The following TRERF1 variants were observed in gnomAD, a reference collection of about 807,000 sequenced individuals.
TRERF1 encodes transcriptional-regulating factor 1.
In TRERF1, 27 loss-of-function variants were observed where a neutral mutation model predicts 122.9. The observed-to-expected ratio is 0.22, with a 90% confidence interval of 0.16 to 0.30. TRERF1 has a LOEUF of 0.30. Ranked by LOEUF, TRERF1 falls within the 10% of genes least tolerant of loss-of-function variation. The pLI is 1.00. For missense variants in TRERF1, 1,248 were observed against 1,560.3 expected, an observed-to-expected ratio of 0.80 and a Z score of 3.37; for synonymous variants, 636 against 641.7, an observed-to-expected ratio of 0.99 and a Z score of 0.13.
Position 42,275,781 on chromosome 6 carries a change from C to T in TRERF1, c.-258-5933G>A, listed in dbSNP as rs976148693. Among the ~76,000 whole-genome samples, 2 of 152,196 alleles carry T rather than the reference C, an allele frequency of 1.3e-5. No individual in the cohort carries two copies. Among genetic ancestry groups the T allele is most frequent in the African/African-American group, 2.4e-5 (1 of 41,440 alleles). Reference sequence around the variant, plus strand: ...AGATAATAACAAGGCTCTACAGAGACCTCCCAGCACACTTTTTCTATACAG... The same window carrying T: ...AGATAATAACAAGGCTCTACAGAGATCTCCCAGCACACTTTTTCTATACAG... On this transcript the variant is annotated intron_variant, in intron 4 of 17. Transcript: ENST00000372922. The surrounding 1 kb of genome is among the most constrained non-coding windows in gnomAD (Gnocchi z 4.1).
intron 2 of TRERF1, among the ~76,000 whole-genome samples, chr6:42,438,348 G>A (rs1385684082): frequency 2.7e-5 from 4 of 150,470 alleles, no homozygotes; most frequent in Admixed American, 6.6e-5. Context: ...GGTGGCTCAC[G>A]CCTGTAATCC....
At chr6:42,358,064 GT>G (rs1770935532) in intron 3 of TRERF1, among the ~76,000 whole-genome samples, 1 of 151,476 alleles carries the variant, frequency 6.6e-6, no homozygotes, top group Non-Finnish European at 1.5e-5. Flanking sequence ...ATCAAACCAA[GT>G]TTTCTGCATA....
intron 2 of TRERF1, among the ~76,000 whole-genome samples, chr6:42,419,258 A>ACCCCC (rs1782397601): frequency 4.7e-5 from 2 of 42,416 alleles, no homozygotes; most frequent in African/African-American, 8.8e-5. Flanking sequence ...GCCCCACCCC[A>ACCCCC]CCCCCCGCCC....
At chr6:42,284,753 C>T (rs913539955) in intron 4 of TRERF1, among the ~76,000 whole-genome samples, 2 of 152,122 alleles carry the variant, frequency 1.3e-5, no homozygotes, top group African/African-American at 2.4e-5. Flanking sequence ...GTTCCACCTG[C>T]GTGTGAGTGT....
At position 42,256,716 on chromosome 6, in the gene TRERF1, A is replaced by G. The variant is rs1243799384; in HGVS notation, c.2580+12T>C. On this transcript the variant is annotated intron_variant, in intron 12 of 17. Transcript: ENST00000372922. Reference sequence around the variant, plus strand: ...CAGGAATTTGTAAAGCCTCTTTTTCATGGTTCCTTACCATCACATCACCTT... The same window carrying G: ...CAGGAATTTGTAAAGCCTCTTTTTCGTGGTTCCTTACCATCACATCACCTT... 4 of 1,610,896 alleles carry G rather than the reference A, an allele frequency of 2.5e-6. No individual in the cohort carries two copies. Among genetic ancestry groups the G allele is most frequent in the African/African-American group, 1.3e-5 (1 of 74,984 alleles).
intron 3 of TRERF1, among the ~76,000 whole-genome samples, chr6:42,333,835 C>T (rs899692905): frequency 7.2e-5 from 11 of 152,120 alleles, no homozygotes; most frequent in African/African-American, 2.7e-4. Flanking sequence ...ACACTGAGGC[C>T]CAGGGCAGTG....
At chr6:42,238,197 A>G (rs1294640017) in intron 15 of TRERF1, among the ~76,000 whole-genome samples, 1 of 152,254 alleles carries the variant, frequency 6.6e-6, no homozygotes, top group African/African-American at 2.4e-5. Flanking sequence ...CATGGCCTAC[A>G]GTTTGGCATT....
chr6:42,451,609 C>T (rs1384093539), intron 1 of TRERF1, among the ~76,000 whole-genome samples, 65 bp downstream of exon 1: 7 of 151,184 alleles, frequency 4.6e-5, no homozygotes, highest in Admixed American at 4.0e-4. Context: ...CCCCCTCCCC[C>T]CTTCTATATA....
intron 3 of TRERF1, among the ~76,000 whole-genome samples, chr6:42,335,537 T>C (rs1765989578): frequency 6.6e-6 from 1 of 152,230 alleles, no homozygotes; most frequent in Admixed American, 6.5e-5. Flanking sequence ...GTGTCTGTGC[T>C]TGGCAGGGTT....
chr6:42,236,516 C>T lies in TRERF1; in HGVS notation c.2860-105G>A, dbSNP rs35939485. 7.5e-3 allele frequency: 10,749 copies of T among 1,441,348 alleles called. 57 individuals carry two copies. Among genetic ancestry groups the T allele is most frequent in the Non-Finnish European group, 9.2e-3 (10,089 of 1,091,676 alleles). The allele number at this position is 1,441,348 out of a possible 1,614,324, so 89.3% of individuals were successfully genotyped here. On this transcript the variant is annotated intron_variant, in intron 15 of 17. Coordinates refer to ENST00000372922, the Ensembl canonical transcript of TRERF1. ...AGAGGAGAGAGGGGCAGGATGCTGG[C>T]GCTGTGTTCCTTTCTTTCTGCATAA...
intron 16 of TRERF1, among the ~76,000 whole-genome samples, chr6:42,235,143 A>T (rs751574676): frequency 1.1e-4 from 17 of 151,530 alleles, no homozygotes; most frequent in Non-Finnish European, 2.2e-4. Flanking sequence ...CTGCTTTAGG[A>T]TCTAAATATT....
At chr6:42,272,207 A>C (rs1049020790) in intron 4 of TRERF1, among the ~76,000 whole-genome samples, 2 of 152,240 alleles carry the variant, frequency 1.3e-5, no homozygotes, top group Non-Finnish European at 2.9e-5. Flanking sequence ...TTAAACAGAA[A>C]AGTTTGAAGA....
At chr6:42,360,781 A>C (rs1771588339) in intron 3 of TRERF1, among the ~76,000 whole-genome samples, 1 of 136,976 alleles carries the variant, frequency 7.3e-6, no homozygotes, top group South Asian at 2.2e-4. Context: ...TAAAAAAAAA[A>C]AAAAAAAAAA....
chr6:42,430,299 T>C (rs1304303655), intron 2 of TRERF1, among the ~76,000 whole-genome samples: 1 of 152,110 alleles, frequency 6.6e-6, no homozygotes, highest in African/African-American at 2.4e-5. Context: ...AGACTTCTGG[T>C]GATGAGTTAT....
intron 2 of TRERF1, among the ~76,000 whole-genome samples, chr6:42,392,549 G>T (rs1777919136): frequency 6.6e-6 from 1 of 152,150 alleles, no homozygotes; most frequent in South Asian, 2.1e-4. Context: ...TTCTGTGTGT[G>T]TAAGACCTAT....
rs200659236 is a variant in TRERF1 at position 42,264,708 on chromosome 6, T to C, written c.1631A>G (p.Lys544Arg). The stretch of plus-strand genomic sequence containing the variant: ...CGGGAACTGGCTCCTGCTAACCTGT[T>C]TGAGGTTGGGGGAGGCCCTCATTCC... The change falls in exon 7 of 18, where the codon AAA (lysine) becomes AGA (arginine). Residue 544 changes from lysine (K) to arginine (R), a missense_variant. Lys to Arg is a conservative substitution (Grantham distance 26). Transcript: ENST00000372922. 9.3e-6 allele frequency: 15 copies of C among 1,614,044 alleles called. No individual in the cohort carries two copies. The Admixed American group carries it at 1.8e-4, about 20-fold the overall frequency.
intron 3 of TRERF1, among the ~76,000 whole-genome samples, chr6:42,354,663 T>C (rs548774852): frequency 6.6e-6 from 1 of 152,330 alleles, no homozygotes; most frequent in East Asian, 1.9e-4. Flanking sequence ...TATTAAATTA[T>C]TTATGCAAGG....
chr6:42,268,436 G>C lies in TRERF1; in HGVS notation c.1155C>G (p.Pro385=). The C allele has an allele frequency of 6.3e-7, 1 of 1,575,932 alleles. No individual in the cohort carries two copies. Among genetic ancestry groups the C allele is most frequent in the Non-Finnish European group, 8.6e-7 (1 of 1,159,906 alleles). ...TCTGCTGGTAGAGGGGGTGGCTGTA[G>C]GGCTGCTGGGGCTCCTGGTAGTAGT... Residue 385 remains proline (P), a synonymous_variant, in exon 5 of 18, where the codon CCC becomes CCG. Coordinates refer to ENST00000372922, the Ensembl canonical transcript of TRERF1. The surrounding 1 kb of genome is among the most constrained non-coding windows in gnomAD (Gnocchi z 4.4).
chr6:42,356,763 G>A (rs375331865), intron 3 of TRERF1, among the ~76,000 whole-genome samples: 8 of 152,042 alleles, frequency 5.3e-5, no homozygotes, highest in Non-Finnish European at 1.2e-4. Flanking sequence ...TTTTAGAGAC[G>A]TGGTTTTGCC....
Sources: allele counts gnomAD v4.1 joint callset (sites outside exome capture counted in the v4.1 genomes callset), GRCh38; gene constraint gnomAD v4.1.1; non-coding constraint Gnocchi (gnomAD v3.1); transcripts MANE v1.5; gene names NCBI Gene and HGNC (gene_info 2026-07-23, HGNC 2026-07-21).